Variants in DUOXA1 observed in about 807,000 individuals in gnomAD.
DUOXA1 encodes dual oxidase maturation factor 1.
A neutral mutation model predicts 26.6 loss-of-function variants in DUOXA1; 19 were observed. The observed-to-expected ratio is 0.71, with a 90% CI of 0.50 to 1.05. The LOEUF is 1.05. Ranked by LOEUF, DUOXA1 falls within the 50% of genes least tolerant of loss-of-function variation. The probability of loss-of-function intolerance (pLI) is 0.00; values close to 1 mark genes in which losing one functional copy is unlikely to be tolerated. For missense variants in DUOXA1, 403 were observed against 427.5 expected (o/e 0.94, Z 0.51); for synonymous variants, 166 against 177.0 (o/e 0.94, Z 0.49).
chr15:45,124,811 C>T (rs1022342404), intron 3 of DUOXA1, among the ~76,000 whole-genome samples: 2 of 152,188 alleles, frequency 1.3e-5, no homozygotes, highest in African/African-American at 4.8e-5. Context: ...CCGTGCCCGG[C>T]CTCTCCAATC....
intron 3 of DUOXA1, among the ~76,000 whole-genome samples, chr15:45,125,369 T>G (rs1895591852): frequency 6.6e-6 from 1 of 152,148 alleles, no homozygotes; most frequent in Non-Finnish European, 1.5e-5. Flanking sequence ...AAGGGTATAC[T>G]GAAATTTTTC....
In DUOXA1 at chr15:45,118,007, T is replaced by C. The variant is rs1424721486; in HGVS notation, c.*1099A>G. The C allele has an allele frequency of 6.2e-7, 1 of 1,609,210 alleles. No individual in the cohort carries two copies. The highest frequency in any genetic ancestry group is 1.7e-5 in the Admixed American group (1 of 59,896). On this transcript the variant is annotated 3_prime_UTR_variant, in exon 9 of 9. Coordinates refer to ENST00000560572, the MANE Select transcript of DUOXA1 (RefSeq NM_001276266.2). Reference sequence around the variant, plus strand: ...GCCAGGAGAGCTCCAGGAAGGGCACTGAGCGCTGCTGGCGCGAGGCCTCGG... The same window carrying C: ...GCCAGGAGAGCTCCAGGAAGGGCACCGAGCGCTGCTGGCGCGAGGCCTCGG...
chr15:45,117,774 C>T lies in DUOXA1; in HGVS notation c.*1332G>A. ...TGAGTCTCCAGTATGTTCGGCCCAGCGCTCTTCGCACCCTTCTGGACCAAA... is the reference window on the plus strand; with the variant it reads ...TGAGTCTCCAGTATGTTCGGCCCAGTGCTCTTCGCACCCTTCTGGACCAAA... On this transcript the variant is annotated 3_prime_UTR_variant, in exon 9 of 9. Coordinates refer to ENST00000560572, the MANE Select transcript of DUOXA1 (RefSeq NM_001276266.2). 1.2e-6 allele frequency: 2 copies of T among 1,613,926 alleles called. No individual in the cohort carries two copies. Among genetic ancestry groups the T allele is most frequent in the Non-Finnish European group, 1.7e-6 (2 of 1,179,996 alleles).
At position 45,122,949 on chromosome 15, in the gene DUOXA1, G is replaced by A; in HGVS notation, c.66C>T (p.Thr22=). 1 of 1,613,528 alleles carries A rather than the reference G, an allele frequency of 6.2e-7. No homozygotes were observed. The highest frequency in any genetic ancestry group is 8.5e-7 in the Non-Finnish European group (1 of 1,179,752). ...AGPKPTFPMD[T]TLASIIMIFL... is the part of the protein sequence containing the mutation. The stretch of plus-strand genomic sequence containing the variant: ...AGATCATGATGATGCTGGCCAAAGT[G>A]GTGTCCATCGGGAAGGTTGGCTTGG... The change falls in exon 4 of 9, where the codon ACC becomes ACT. Residue 22 remains threonine, a synonymous_variant. Transcript: ENST00000560572.
chr15:45,118,375 C>T lies in DUOXA1; in HGVS notation c.*731G>A. ...CCCGTCCTGGATGCCACTCAGCTAG[C>T]CCAGCTGAGTGGGGTGGGAAGGAAT... On this transcript the variant is annotated 3_prime_UTR_variant, in exon 9 of 9. Transcript: ENST00000560572. 14 of 1,112,146 alleles carry T rather than the reference C, an allele frequency of 1.3e-5. No homozygotes were observed. Among genetic ancestry groups the T allele is most frequent in the Non-Finnish European group, 1.4e-5 (13 of 910,394 alleles). 68.9% of individuals were successfully genotyped at this position (1,112,146 alleles called of 1,614,324 possible). A position where few individuals can be genotyped will look rare whatever the true frequency, so the allele number is the denominator to read the frequency against.
intron 3 of DUOXA1, among the ~76,000 whole-genome samples, chr15:45,123,971 A>G (rs1895461649): frequency 1.3e-5 from 2 of 152,242 alleles, no homozygotes; most frequent in South Asian, 4.1e-4. Context: ...AAAGGGGAAA[A>G]AAAGTCTTGC....
chr15:45,118,275 C>T lies in DUOXA1; in HGVS notation c.*831G>A, dbSNP rs989681254. On this transcript the variant is annotated 3_prime_UTR_variant, in exon 9 of 9. Coordinates refer to ENST00000560572, the MANE Select transcript of DUOXA1 (RefSeq NM_001276266.2). ...GCCCTCTAGTGAGGCCGGAGGGACC[C>T]TACCAGAGCTAGCATCTTTCTGAAC... 6 of 1,360,496 alleles carry T rather than the reference C, an allele frequency of 4.4e-6. No homozygotes were observed. The highest frequency in any genetic ancestry group is 3.9e-5 in the South Asian group (2 of 51,928). The allele number at this position is 1,360,496 out of a possible 1,614,324, so 84.3% of individuals were successfully genotyped here.
intron 7 of DUOXA1, 113 bp downstream of exon 7, chr15:45,120,479 G>A (rs1157153792): frequency 6.9e-7 from 1 of 1,453,784 alleles, no homozygotes; most frequent in Non-Finnish European, 9.6e-7. Flanking sequence ...ATGGGGACTG[G>A]TGCCAGGCCA....
rs753089355 is a variant in DUOXA1, at chr15:45,121,165, T to C, written c.262A>G (p.Lys88Glu). 6.2e-7 allele frequency: 1 copy of C among 1,614,088 alleles called. No individual in the cohort carries two copies. Among genetic ancestry groups the C allele is most frequent in the Non-Finnish European group, 8.5e-7 (1 of 1,179,998 alleles). Residue 88 changes from lysine (K) to glutamate (E), a missense_variant, in exon 6 of 9, where the codon AAG (lysine) becomes GAG (glutamate). Physicochemically the swap from Lys to Glu is moderately conservative, Grantham distance 56. Transcript: ENST00000560572. ...CTGATCCACTCAGAACTGAAGGCCT[T>C]GTATGATGTGTTGGTGCTGACCTGG... Reference protein sequence around the residue: ...VGQVSTNTSYKAFSSEWISAD... With the variant: ...VGQVSTNTSYEAFSSEWISAD...
intron 3 of DUOXA1, among the ~76,000 whole-genome samples, chr15:45,123,486 C>T (rs914448456): frequency 1.2e-4 from 19 of 152,250 alleles, no homozygotes; most frequent in Middle Eastern, 3.2e-3. Context: ...GATTGGCTTT[C>T]TTCCTCAGTC....
chr15:45,120,798 G>T lies in DUOXA1; in HGVS notation c.348C>A (p.Pro116=). The part of the protein sequence containing the change: ...GGVNITLTGT[P]VQQLNETINY... The stretch of plus-strand genomic sequence containing the variant: ...TGATGGTCTCATTCAGCTGCTGCAC[G>T]GGGGTCCCTAGGGCACAAGGCAGCT... The change falls in exon 7 of 9, where the codon CCC becomes CCA. Residue 116 remains proline (P), a synonymous_variant. Transcript: ENST00000560572. 6.2e-7 allele frequency: 1 copy of T among 1,614,016 alleles called. No homozygotes were observed. The highest frequency in any genetic ancestry group is 8.5e-7 in the Non-Finnish European group (1 of 1,179,990).
chr15:45,119,408 C>A lies in DUOXA1; in HGVS notation c.773-43G>T. Reference sequence around the variant, plus strand: ...AATTGTCCCACCTTAGTGCTAGTAACACCTGCCGAGGATATCTTCCCCTGG... The same window carrying A: ...AATTGTCCCACCTTAGTGCTAGTAAAACCTGCCGAGGATATCTTCCCCTGG... On this transcript the variant is annotated intron_variant, in intron 8 of 8. Transcript: ENST00000560572. 2.6e-6 allele frequency: 4 copies of A among 1,552,654 alleles called. No individual in the cohort carries two copies. The South Asian group carries it at 3.5e-5, about 14-fold the overall frequency.
chr15:45,119,339 C>G lies in DUOXA1; in HGVS notation c.799G>C (p.Ala267Pro). 1 of 1,613,104 alleles carries G rather than the reference C, an allele frequency of 6.2e-7. No individual in the cohort carries two copies. The highest frequency in any genetic ancestry group is 8.5e-7 in the Non-Finnish European group (1 of 1,179,410). The stretch of plus-strand genomic sequence containing the variant: ...TGCATCCTGTGGGCCACCGCCATAG[C>G]CAGGCCCAGCAGCACACACAGCAGT... Reference protein sequence around the residue: ...TGLLCVLLGLAMAVAHRMQPH... With the variant: ...TGLLCVLLGLPMAVAHRMQPH... Residue 267 changes from alanine (A) to proline (P), a missense_variant, in exon 9 of 9, where the codon GCT becomes CCT. Ala to Pro is a conservative substitution (Grantham distance 27, BLOSUM62 -1). Transcript: ENST00000560572.
In DUOXA1 at chr15:45,118,966, C is replaced by A; in HGVS notation, c.*140G>T. ...GTTTTTTAACATCAGTATATAGAGC[C>A]TCCTTTTTCTACTCCGTCTGTAGAT... On this transcript the variant is annotated 3_prime_UTR_variant, in exon 9 of 9. Coordinates refer to ENST00000560572, the MANE Select transcript of DUOXA1 (RefSeq NM_001276266.2). 1 of 1,428,850 alleles carries A rather than the reference C, an allele frequency of 7.0e-7. No homozygotes were observed. The highest frequency in any genetic ancestry group is 2.5e-5 in the East Asian group (1 of 40,046). 88.5% of individuals were successfully genotyped at this position (1,428,850 alleles called of 1,614,324 possible).
At chr15:45,126,179 A>T (rs1005755676) in intron 3 of DUOXA1, among the ~76,000 whole-genome samples, 1 of 151,848 alleles carries the variant, frequency 6.6e-6, no homozygotes, top group Non-Finnish European at 1.5e-5. Context: ...TTCCAAAATA[A>T]TTTTTTTTCT....
intron 3 of DUOXA1, among the ~76,000 whole-genome samples, chr15:45,125,411 C>T (rs909525471): frequency 3.3e-5 from 5 of 152,160 alleles, no homozygotes; most frequent in African/African-American, 1.2e-4. Context: ...AAAGAACCTT[C>T]TCCCTTGATC....
chr15:45,124,781 G>C (rs1174778067), intron 3 of DUOXA1, among the ~76,000 whole-genome samples: 2 of 152,108 alleles, frequency 1.3e-5, no homozygotes, highest in African/African-American at 4.8e-5. Context: ...CCAAAGTGCT[G>C]GGATTACAGG....
rs1894778603 is a variant in DUOXA1 at position 45,117,905 on chromosome 15, T to C, written c.*1201A>G. 6.2e-7 allele frequency: 1 copy of C among 1,613,204 alleles called. No individual in the cohort carries two copies. The highest frequency in any genetic ancestry group is 8.5e-7 in the Non-Finnish European group (1 of 1,179,970). The stretch of plus-strand genomic sequence containing the variant: ...GACTTAAAATGTATCACCACTAACC[T>C]GTGAGGGGGACCCAATCTGGACTCC... On this transcript the variant is annotated 3_prime_UTR_variant, in exon 9 of 9. Transcript: ENST00000560572.
chr15:45,124,957 C>T (rs1336015082), intron 3 of DUOXA1, among the ~76,000 whole-genome samples: 1 of 152,044 alleles, frequency 6.6e-6, no homozygotes, highest in Non-Finnish European at 1.5e-5. Context: ...TTTCATAATC[C>T]CCAGGTCCCT....
Sources: gnomAD v4.1 joint callset for allele counts (sites outside exome capture counted in the v4.1 genomes callset) on GRCh38, gnomAD v4.1.1 for gene constraint, MANE v1.5 for transcripts, NCBI Gene and HGNC (gene_info 2026-07-23, HGNC 2026-07-21) for gene names.